The following EEFSEC variants were observed in gnomAD, a reference collection of about 807,000 sequenced individuals.
The protein encoded by EEFSEC is eukaryotic elongation factor, selenocysteine-tRNA specific, also known as selenocysteine-specific elongation factor.
Under a neutral mutation model 42.1 loss-of-function variants are expected in EEFSEC, and 43 were observed. The ratio of observed to expected loss-of-function variants is 1.02; its 90% confidence interval spans 0.80 to 1.32. The LOEUF (loss-of-function observed/expected upper bound fraction) is 1.32, where lower values mean the gene tolerates loss of function less well. EEFSEC is among the 40% of genes most tolerant of loss of function. The probability of loss-of-function intolerance (pLI) is 0.00; values close to 1 mark genes in which losing one functional copy is unlikely to be tolerated. For synonymous variants in EEFSEC, 354 were observed against 339.1 expected (o/e 1.04, Z -0.48); for missense variants, 745 against 803.6 (o/e 0.93, Z 0.88).
chr3:128,359,338 C>G (rs1168440560), intron 6 of EEFSEC, among the ~76,000 whole-genome samples: 1 of 152,078 alleles, frequency 6.6e-6, no homozygotes, highest in African/African-American at 2.4e-5. Context: ...GCGCTGGGGA[C>G]CGTGGGAAGG....
chr3:128,260,978 A>AAAAAAAC (rs1559890872), intron 2 of EEFSEC, among the ~76,000 whole-genome samples: 1 of 149,442 alleles, frequency 6.7e-6, no homozygotes, highest in Non-Finnish European at 1.5e-5. Context: ...AAAAAAAAAA[A>AAAAAAAC]AAAACATTCA....
intron 3 of EEFSEC, among the ~76,000 whole-genome samples, 183 bp downstream of exon 3, chr3:128,262,407 C>T (rs1456512270): frequency 6.6e-6 from 1 of 152,134 alleles, no homozygotes; most frequent in Non-Finnish European, 1.5e-5. Context: ...AAAGGTAGAC[C>T]CAAACTAGGA....
intron 4 of EEFSEC, among the ~76,000 whole-genome samples, chr3:128,324,683 G>C (rs1015525840): frequency 6.6e-6 from 1 of 152,228 alleles, no homozygotes. Context: ...CTGCCCGCCT[G>C]TGGGGCACAG....
chr3:128,177,684 C>T (rs1425349537), intron 1 of EEFSEC, among the ~76,000 whole-genome samples: 1 of 152,100 alleles, frequency 6.6e-6, no homozygotes, highest in Non-Finnish European at 1.5e-5. Context: ...AAAGAATCTC[C>T]CCCCGTTCAT....
intron 6 of EEFSEC, among the ~76,000 whole-genome samples, chr3:128,396,215 A>C (rs1251047373): frequency 2.6e-5 from 4 of 152,182 alleles, no homozygotes; most frequent in African/African-American, 9.7e-5. Flanking sequence ...GCTTACCAAC[A>C]GTACAGGCAC....
intron 1 of EEFSEC, among the ~76,000 whole-genome samples, chr3:128,205,035 G>C (rs2065678650): frequency 6.6e-6 from 1 of 152,172 alleles, no homozygotes; most frequent in Non-Finnish European, 1.5e-5. Flanking sequence ...TTGATTCACT[G>C]TTTACTAATT....
intron 1 of EEFSEC, among the ~76,000 whole-genome samples, chr3:128,159,420 C>T (rs1944440261): frequency 6.6e-6 from 1 of 152,252 alleles, no homozygotes; most frequent in Admixed American, 6.5e-5. Context: ...GTTCTGCCCC[C>T]TGCCTGCTTA....
At chr3:128,384,247 C>T (rs1028021345) in intron 6 of EEFSEC, among the ~76,000 whole-genome samples, 1 of 152,250 alleles carries the variant, frequency 6.6e-6, no homozygotes, top group Admixed American at 6.5e-5. Context: ...CCACTGCTGC[C>T]CAGAGTGGCT....
chr3:128,271,546 G>A (rs2066413336), intron 4 of EEFSEC, among the ~76,000 whole-genome samples: 1 of 152,192 alleles, frequency 6.6e-6, no homozygotes, highest in African/African-American at 2.4e-5. Context: ...CACAGGGTTG[G>A]AGCTCCCTGG....
At chr3:128,214,208 A>T (rs1042844804) in intron 1 of EEFSEC, among the ~76,000 whole-genome samples, 2 of 152,224 alleles carry the variant, frequency 1.3e-5, no homozygotes, top group African/African-American at 4.8e-5. Context: ...CATTATATAT[A>T]TTCACATATA....
chr3:128,275,844 G>T (rs935744739), intron 4 of EEFSEC, among the ~76,000 whole-genome samples: 3 of 152,230 alleles, frequency 2.0e-5, no homozygotes, highest in Admixed American at 1.3e-4. Context: ...CTCTGAAAGG[G>T]CAGTAGGGAG....
intron 4 of EEFSEC, among the ~76,000 whole-genome samples, chr3:128,285,604 AC>A (rs1296633531): frequency 6.6e-6 from 1 of 151,986 alleles, no homozygotes; most frequent in East Asian, 1.9e-4. Context: ...GTTTGGGTCT[AC>A]CCTCTTGTGC....
At chr3:128,400,780 T>C (rs1479451376) in intron 6 of EEFSEC, among the ~76,000 whole-genome samples, 2 of 152,228 alleles carry the variant, frequency 1.3e-5, no homozygotes, top group Non-Finnish European at 2.9e-5. Flanking sequence ...GGCGGCACCA[T>C]GGCTAGGGCT....
chr3:128,325,402 G>A (rs894764849), intron 4 of EEFSEC, among the ~76,000 whole-genome samples: 17 of 152,186 alleles, frequency 1.1e-4, no homozygotes, highest in African/African-American at 4.1e-4. Flanking sequence ...ACCAGCTGAG[G>A]GGCCTTGGGC....
At chr3:128,415,910 G>A in the EEFSEC span, among the ~76,000 whole-genome samples, 1 of 152,242 alleles carries the variant, frequency 6.6e-6, no homozygotes, top group Non-Finnish European at 1.5e-5. Context: ...CAGTCCCCCA[G>A]CACAGGGAAC....
intron 1 of EEFSEC, among the ~76,000 whole-genome samples, chr3:128,175,918 G>A (rs1043620262): frequency 2.0e-5 from 3 of 152,220 alleles, no homozygotes; most frequent in Non-Finnish European, 4.4e-5. Flanking sequence ...GCTGGTCCAC[G>A]TTTGAATCCT....
chr3:128,258,243 T>C (rs2066262666), intron 2 of EEFSEC, among the ~76,000 whole-genome samples: 1 of 152,076 alleles, frequency 6.6e-6, no homozygotes, highest in Non-Finnish European at 1.5e-5. Flanking sequence ...TCTTCTGCTT[T>C]TGTGTTTTGA....
chr3:128,335,717 G>A (rs2067182914), intron 4 of EEFSEC, among the ~76,000 whole-genome samples: 1 of 152,108 alleles, frequency 6.6e-6, no homozygotes, highest in Admixed American at 6.5e-5. Flanking sequence ...GGAAGAACAG[G>A]CTCTTGGAAG....
chr3:128,346,253 C>A (rs1464757515), intron 5 of EEFSEC, among the ~76,000 whole-genome samples: 2 of 152,218 alleles, frequency 1.3e-5, no homozygotes, highest in Non-Finnish European at 1.5e-5. Flanking sequence ...CTTATTTTCT[C>A]TGGATTCTTC....
Sources: allele counts gnomAD v4.1 joint callset (sites outside exome capture counted in the v4.1 genomes callset), GRCh38; gene constraint gnomAD v4.1.1; transcripts MANE v1.5; gene names NCBI Gene and HGNC (gene_info 2026-07-23, HGNC 2026-07-21).